The following TBL1XR1 variants were observed in gnomAD, a reference collection of about 807,000 sequenced individuals.
TBL1XR1 encodes TBL1X/Y related 1.
In TBL1XR1, 5 loss-of-function variants were observed where a neutral mutation model predicts 66.9. The observed-to-expected ratio is 0.07, with a 90% CI of 0.04 to 0.16. TBL1XR1 has a LOEUF of 0.16. Among genes scored for constraint, TBL1XR1 ranks in the 10% least tolerant of loss-of-function variants. TBL1XR1 has a pLI of 1.00. For missense variants in TBL1XR1, 238 were observed against 623.2 expected (o/e 0.38, Z 6.58); for synonymous variants, 210 against 206.0 (o/e 1.02, Z -0.17).
chr3:177,039,083 G>A (rs930069296), intron 10 of TBL1XR1, among the ~76,000 whole-genome samples: 1 of 152,056 alleles, frequency 6.6e-6, no homozygotes, highest in Non-Finnish European at 1.5e-5. Flanking sequence ...TAAAAATACT[G>A]TATAATGATG....
chr3:177,078,332 T>G (rs1274885432), intron 2 of TBL1XR1, among the ~76,000 whole-genome samples: 1 of 152,066 alleles, frequency 6.6e-6, no homozygotes, highest in African/African-American at 2.4e-5. Context: ...TGGTTCACAC[T>G]TGTCATTCCA....
At chr3:177,117,286 G>T (rs1466554713) in intron 1 of TBL1XR1, among the ~76,000 whole-genome samples, 1 of 152,172 alleles carries the variant, frequency 6.6e-6, no homozygotes, top group Non-Finnish European at 1.5e-5. Flanking sequence ...GCGAAGCAAT[G>T]AAACTATTGC....
chr3:177,040,892 G>A (rs1471478304), intron 10 of TBL1XR1, among the ~76,000 whole-genome samples: 2 of 151,978 alleles, frequency 1.3e-5, no homozygotes, highest in African/African-American at 4.8e-5. Flanking sequence ...AAGATTTAAT[G>A]GGAACTTACT....
intron 3 of TBL1XR1, among the ~76,000 whole-genome samples, chr3:177,054,311 T>G (rs937459621): frequency 6.6e-6 from 1 of 152,126 alleles, no homozygotes; most frequent in Non-Finnish European, 1.5e-5. Context: ...TAAGGGACAT[T>G]TAATATTTCT....
chr3:177,165,987 G>C (rs182026674), intron 1 of TBL1XR1, among the ~76,000 whole-genome samples: 14 of 152,238 alleles, frequency 9.2e-5, no homozygotes, highest in Admixed American at 7.9e-4. Flanking sequence ...CTACTCAGGA[G>C]GCTGAGGTGG....
chr3:177,048,256 G>A (rs550563967), intron 7 of TBL1XR1, among the ~76,000 whole-genome samples: 9 of 152,212 alleles, frequency 5.9e-5, no homozygotes, highest in South Asian at 2.1e-4. Flanking sequence ...ACCTTGCCTC[G>A]ATGAATTGTG....
chr3:177,164,013 A>G (rs906286957), intron 1 of TBL1XR1: 3 of 152,230 alleles, frequency 2.0e-5, no homozygotes, highest in Non-Finnish European at 2.9e-5. Context: ...TGAAAAGGAA[A>G]TATTTTTCTT....
chr3:177,026,241 AG>A (rs1713106439), intron 15 of TBL1XR1, 131 bp downstream of exon 15: 3 of 705,608 alleles, frequency 4.3e-6, no homozygotes, highest in Admixed American at 3.5e-5. Flanking sequence ...TTACAGCCTC[AG>A]GAAAAAAAAA....
At chr3:177,042,913 T>A (rs558609124) in intron 10 of TBL1XR1, among the ~76,000 whole-genome samples, 59 of 150,220 alleles carry the variant, frequency 3.9e-4, no homozygotes, top group African/African-American at 8.5e-4. Flanking sequence ...ACTTTATTTT[T>A]AAAAAAAAAA....
intron 1 of TBL1XR1, among the ~76,000 whole-genome samples, chr3:177,153,358 G>A (rs149864778): frequency 1.3e-5 from 2 of 152,224 alleles, no homozygotes; most frequent in East Asian, 3.9e-4. Context: ...TCTTCCCAAA[G>A]GCATGTGGAG....
chr3:177,025,571 T>C (rs2108374441), intron 15 of TBL1XR1, 47 bp from the exon 16 acceptor site: 1 of 1,573,410 alleles, frequency 6.4e-7, no homozygotes, highest in African/African-American at 1.3e-5. Context: ...AATTTTATTG[T>C]ACATTTTATG....
At chr3:177,165,597 G>T (rs1433020962) in intron 1 of TBL1XR1, among the ~76,000 whole-genome samples, 1 of 152,142 alleles carries the variant, frequency 6.6e-6, no homozygotes, top group East Asian at 1.9e-4. Context: ...AGACAATATG[G>T]TATTAGTGAA....
Position 177,020,928 on chromosome 3 carries a change from G to A in TBL1XR1, c.*4570C>T, listed in dbSNP as rs1409115725. On this transcript the variant is annotated 3_prime_UTR_variant, in exon 16 of 16. Transcript: ENST00000457928. ...TTGTGATGTGGAACTAAAATACGTC[G>A]TAAGTGTAATTAACATGGTCCAGGA... The A allele has an allele frequency of 1.3e-5, 2 of 152,078 alleles. No homozygotes were observed. Among genetic ancestry groups the A allele is most frequent in the Admixed American group, 1.3e-4 (2 of 15,256 alleles). The allele number at this position is 152,078 out of a possible 1,614,324, so 9.4% of individuals were successfully genotyped here.
intron 12 of TBL1XR1, among the ~76,000 whole-genome samples, chr3:177,035,451 C>T (rs1479183188): frequency 4.2e-5 from 6 of 143,526 alleles, no homozygotes; most frequent in African/African-American, 7.9e-5. Context: ...GTCTCACTCT[C>T]TTGCCCAGGC....
intron 1 of TBL1XR1, among the ~76,000 whole-genome samples, chr3:177,185,085 TC>T (rs1735248662): frequency 2.0e-5 from 3 of 152,276 alleles, no homozygotes; most frequent in Admixed American, 6.5e-5. Context: ...AATTTTTTTT[TC>T]AAAATGGTAA....
intron 1 of TBL1XR1, among the ~76,000 whole-genome samples, chr3:177,120,332 A>G (rs1374370369): frequency 1.3e-5 from 2 of 152,076 alleles, no homozygotes; most frequent in Non-Finnish European, 2.9e-5. Context: ...ATGTTTCTAA[A>G]GAATGCTGAT....
At chr3:177,150,689 C>T (rs991056650) in intron 1 of TBL1XR1, among the ~76,000 whole-genome samples, 1 of 152,134 alleles carries the variant, frequency 6.6e-6, no homozygotes, top group Non-Finnish European at 1.5e-5. Context: ...CCAAAATGAC[C>T]TTGTGTGTGG....
At chr3:177,112,524 A>C (rs1046668720) in intron 1 of TBL1XR1, among the ~76,000 whole-genome samples, 1 of 152,192 alleles carries the variant, frequency 6.6e-6, no homozygotes, top group African/African-American at 2.4e-5. Flanking sequence ...GAAATGGTTA[A>C]ACATTCTTAT....
chr3:177,197,195 C>G lies in TBL1XR1; in HGVS notation c.-196G>C, dbSNP rs1736979271. 6.5e-6 allele frequency: 1 copy of G among 153,732 alleles called. No homozygotes were observed. Among genetic ancestry groups the G allele is most frequent in the Non-Finnish European group, 1.5e-5 (1 of 68,964 alleles). The allele number at this position is 153,732 out of a possible 1,614,324, so 9.5% of individuals were successfully genotyped here. On this transcript the variant is annotated 5_prime_UTR_variant, in exon 1 of 16. Transcript: ENST00000457928. ...ACAAGGAAATTCCCCTCCTCGCCGC[C>G]GCCGCCACCGCCTCCAACCACCCCC...
Sources: allele counts gnomAD v4.1 joint callset (sites outside exome capture counted in the v4.1 genomes callset), GRCh38; gene constraint gnomAD v4.1.1; transcripts MANE v1.5; gene names NCBI Gene and HGNC (gene_info 2026-07-23, HGNC 2026-07-21).